The following LUZP2 variants were observed in gnomAD, a reference collection of about 807,000 sequenced individuals.
The protein encoded by LUZP2 is leucine zipper protein 2.
A neutral mutation model predicts 51.6 loss-of-function variants in LUZP2; 52 were observed. The ratio of observed to expected loss-of-function variants is 1.01; its 90% CI spans 0.81 to 1.27. LUZP2 has a LOEUF of 1.27. LUZP2 is among the 50% of genes most tolerant of loss of function. LUZP2 has a pLI of 0.00. For synonymous variants in LUZP2, 154 were observed against 137.3 expected (o/e 1.12, Z -0.85); for missense variants, 436 against 395.4 (o/e 1.10, Z -0.87).
At chr11:24,939,169 C>G (rs1437354891) in intron 7 of LUZP2, among the ~76,000 whole-genome samples, 1 of 152,054 alleles carries the variant, frequency 6.6e-6, no homozygotes, top group Non-Finnish European at 1.5e-5. Context: ...AGTCATTTCA[C>G]TAGCTTCCTA....
chr11:24,817,539 G>C (rs1850223051), intron 5 of LUZP2, among the ~76,000 whole-genome samples: 1 of 152,156 alleles, frequency 6.6e-6, no homozygotes, highest in South Asian at 2.1e-4. Flanking sequence ...CAACAGATCT[G>C]TTTGTCTTCA....
chr11:25,037,622 C>T (rs1292494405), intron 9 of LUZP2, among the ~76,000 whole-genome samples: 1 of 152,094 alleles, frequency 6.6e-6, no homozygotes, highest in Admixed American at 6.6e-5. Context: ...ATGTTTAGCA[C>T]TCCCTTAAAG....
intron 4 of LUZP2, among the ~76,000 whole-genome samples, chr11:24,743,625 T>A (rs541487079): frequency 6.6e-6 from 1 of 152,204 alleles, no homozygotes; most frequent in African/African-American, 2.4e-5. Context: ...AATGATAATA[T>A]CATCAGCAAA....
chr11:24,701,526 G>C (rs976016110), intron 1 of LUZP2: 1 of 159,332 alleles, frequency 6.3e-6, no homozygotes. Flanking sequence ...AAACCACGGA[G>C]AACCCAGCGT....
chr11:24,739,322 T>G (rs1390317915), intron 4 of LUZP2, among the ~76,000 whole-genome samples: 1 of 152,144 alleles, frequency 6.6e-6, no homozygotes, highest in East Asian at 1.9e-4. Context: ...TTATAACCTG[T>G]CCCTAAGGTG....
rs191072432 is a variant in LUZP2, at chr11:24,565,773, A to G, written c.62+68468A>G. Among the ~76,000 whole-genome samples the G allele has an allele frequency of 2.5e-3, 386 of 152,284 alleles. 6 individuals carry two copies. The highest frequency in any genetic ancestry group is 8.8e-3 in the African/African-American group (365 of 41,572). Reference sequence around the variant, plus strand: ...ACTAAAAAGTGCCTTACCACAAACCAAAAGTAAACAAAAAAGTAAACAGTT... The same window carrying G: ...ACTAAAAAGTGCCTTACCACAAACCGAAAGTAAACAAAAAAGTAAACAGTT... On this transcript the variant is annotated intron_variant, in intron 1 of 11. Coordinates refer to ENST00000336930, the MANE Select transcript of LUZP2 (RefSeq NM_001009909.4).
At chr11:24,522,073 C>T (rs1480313794) in intron 1 of LUZP2, among the ~76,000 whole-genome samples, 1 of 152,044 alleles carries the variant, frequency 6.6e-6, no homozygotes, top group Non-Finnish European at 1.5e-5. Flanking sequence ...AAATGGCTAC[C>T]TTTCGTAGGA....
chr11:24,547,136 C>T lies in LUZP2; in HGVS notation c.62+49831C>T, dbSNP rs535413631. 4.0e-5 allele frequency among the ~76,000 whole-genome samples: 6 copies of T among 151,580 alleles called. 1 individual carries two copies. The South Asian group carries it at 1.2e-3, about 32-fold the overall frequency. On this transcript the variant is annotated intron_variant, in intron 1 of 11. Transcript: ENST00000336930. Reference sequence around the variant, plus strand: ...TTATCAGTTTATTCTAGATTCCCTACTGTGTGTTCATAAGATTCTCTGATG... The same window carrying T: ...TTATCAGTTTATTCTAGATTCCCTATTGTGTGTTCATAAGATTCTCTGATG...
At chr11:24,929,455 C>T (rs899254631) in intron 7 of LUZP2, among the ~76,000 whole-genome samples, 3 of 151,870 alleles carry the variant, frequency 2.0e-5, no homozygotes, top group African/African-American at 4.8e-5. Flanking sequence ...TTTAAATTTC[C>T]ATCTTGATAT....
chr11:24,820,220 G>C (rs1850317872), intron 5 of LUZP2, among the ~76,000 whole-genome samples: 1 of 152,130 alleles, frequency 6.6e-6, no homozygotes, highest in Non-Finnish European at 1.5e-5. Flanking sequence ...TTTCGTCAGG[G>C]AGGTGGCACT....
In LUZP2 at chr11:25,001,606, C is replaced by T. The variant is rs746848384; in HGVS notation, c.765+18313C>T. 2.3e-4 allele frequency among the ~76,000 whole-genome samples: 35 copies of T among 152,156 alleles called. 1 individual carries two copies. Among genetic ancestry groups the T allele is most frequent in the Admixed American group, 5.9e-4 (9 of 15,270 alleles). On this transcript the variant is annotated intron_variant, in intron 9 of 11. Coordinates refer to ENST00000336930, the MANE Select transcript of LUZP2 (RefSeq NM_001009909.4). ...GAGTGTTATAGGGTTACAGAGAAGA[C>T]CTTCAATTATCAATTATAGGTTTTA...
chr11:25,049,330 C>T (rs781130729), intron 9 of LUZP2, among the ~76,000 whole-genome samples: 7 of 152,204 alleles, frequency 4.6e-5, no homozygotes, highest in Non-Finnish European at 7.3e-5. Flanking sequence ...TTCAAATTAG[C>T]TCTTCCCAAG....
At chr11:25,065,290 C>A (rs1475839354) in intron 10 of LUZP2, among the ~76,000 whole-genome samples, 1 of 151,956 alleles carries the variant, frequency 6.6e-6, no homozygotes, top group East Asian at 1.9e-4. Context: ...AGTGAATGAA[C>A]CTTATTAACA....
rs115759678 is a variant in LUZP2 at position 24,646,301 on chromosome 11, A to T, written c.63-82868A>T. Among the ~76,000 whole-genome samples the T allele has an allele frequency of 4.3e-3, 662 of 152,208 alleles. 6 individuals carry two copies. Among genetic ancestry groups the T allele is most frequent in the African/African-American group, 0.014 (567 of 41,548 alleles). ...CAAATTATTTTCTACAAATGCTTAT[A>T]ACAGTTTTATTATTGTTCAAAATAT... On this transcript the variant is annotated intron_variant, in intron 1 of 11. Transcript: ENST00000336930.
chr11:24,653,060 C>T (rs1855680113), intron 1 of LUZP2, among the ~76,000 whole-genome samples: 2 of 152,070 alleles, frequency 1.3e-5, no homozygotes, highest in South Asian at 2.1e-4. Context: ...ATATGTGGGG[C>T]CTTAGTGACA....
At chr11:24,506,768 T>G (rs1260662295) in intron 1 of LUZP2, among the ~76,000 whole-genome samples, 3 of 152,056 alleles carry the variant, frequency 2.0e-5, no homozygotes, top group African/African-American at 7.2e-5. Context: ...CCCCTAAGTT[T>G]TGCACTCATT....
chr11:24,939,398 A>C (rs1359522595), intron 7 of LUZP2, among the ~76,000 whole-genome samples: 2 of 151,978 alleles, frequency 1.3e-5, no homozygotes, highest in Non-Finnish European at 2.9e-5. Flanking sequence ...AAGTATTTCT[A>C]CCACTCTCGG....
intron 5 of LUZP2, among the ~76,000 whole-genome samples, chr11:24,792,402 G>A (rs1849433481): frequency 1.3e-5 from 2 of 151,522 alleles, no homozygotes; most frequent in South Asian, 4.2e-4. Context: ...ACTCCAGCCT[G>A]GTGACAGAGC....
intron 5 of LUZP2, among the ~76,000 whole-genome samples, chr11:24,827,630 G>A (rs1357362822): frequency 1.3e-5 from 2 of 152,112 alleles, no homozygotes; most frequent in African/African-American, 2.4e-5. Context: ...GGGGCGTAGG[G>A]GCATGATGGA....
Sources: gnomAD v4.1 joint callset for allele counts (sites outside exome capture counted in the v4.1 genomes callset) on GRCh38, gnomAD v4.1.1 for gene constraint, MANE v1.5 for transcripts, NCBI Gene and HGNC (gene_info 2026-07-23, HGNC 2026-07-21) for gene names.